NMU: variants seen among roughly 807,000 people sequenced by gnomAD.
NMU encodes neuromedin-U.
NMU carries 29 observed loss-of-function variants against 35.4 expected under a neutral mutation model. The ratio of observed to expected loss-of-function variants is 0.82; its 90% CI spans 0.61 to 1.12. NMU has a LOEUF of 1.12. Among genes scored for constraint, NMU ranks in the 50% most tolerant of loss-of-function variants. The pLI, the probability that NMU is intolerant of heterozygous loss-of-function variation, is 0.00. For missense variants in NMU, 199 were observed against 206.2 expected, an observed-to-expected ratio of 0.97 and a Z score of 0.21; for synonymous variants, 78 against 81.3, an observed-to-expected ratio of 0.96 and a Z score of 0.22.
intron 4 of NMU, among the ~76,000 whole-genome samples, chr4:55,608,340 G>C (rs1733788843): frequency 6.6e-6 from 1 of 151,992 alleles, no homozygotes; most frequent in African/African-American, 2.4e-5. Context: ...GTCACCATTA[G>C]AAACAATGGA....
chr4:55,604,111 G>A (rs1257174393), intron 7 of NMU, among the ~76,000 whole-genome samples: 1 of 144,744 alleles, frequency 6.9e-6, no homozygotes, highest in Non-Finnish European at 1.5e-5. Context: ...TGTCACTCAG[G>A]CTGGAGTGCA....
chr4:55,636,250 G>C lies in NMU; in HGVS notation c.-58C>G. ...CGCTGCGCTGCGCCACGCGTAGCTG[G>C]TGCTCCACCTGGTGCCCTGGCTGTG... On this transcript the variant is annotated 5_prime_UTR_variant, in exon 1 of 10. Coordinates refer to ENST00000264218, the MANE Select transcript of NMU (RefSeq NM_006681.4). This position sits in a 1 kb window ranked among gnomAD's most constrained non-coding sequence, Gnocchi z 4.0. 7.1e-7 allele frequency: 1 copy of C among 1,416,334 alleles called. No individual in the cohort carries two copies. Among genetic ancestry groups the C allele is most frequent in the Non-Finnish European group, 9.1e-7 (1 of 1,095,336 alleles). 87.7% of individuals were successfully genotyped at this position (1,416,334 alleles called of 1,614,324 possible).
chr4:55,597,042 G>A (rs568930238), intron 9 of NMU, among the ~76,000 whole-genome samples: 9 of 152,176 alleles, frequency 5.9e-5, no homozygotes, highest in Admixed American at 3.9e-4. Context: ...ACTTCTTAAC[G>A]TTGAACAACC....
chr4:55,618,630 TTTC>T (rs1231819609), intron 2 of NMU, among the ~76,000 whole-genome samples: 6 of 151,820 alleles, frequency 4.0e-5, no homozygotes, highest in African/African-American at 7.3e-5. Flanking sequence ...CTCTTTCTTC[TTTC>T]TTTTCTTCTC....
chr4:55,614,219 A>C (rs930912057), intron 3 of NMU, among the ~76,000 whole-genome samples: 1 of 152,164 alleles, frequency 6.6e-6, no homozygotes, highest in African/African-American at 2.4e-5. Context: ...TTTCTGTCCT[A>C]TCCACCTAGG....
chr4:55,609,845 C>T (rs1733859992), intron 3 of NMU, among the ~76,000 whole-genome samples: 1 of 152,104 alleles, frequency 6.6e-6, no homozygotes, highest in African/African-American at 2.4e-5. Context: ...CAGAATTTAG[C>T]ACAGTAGCAC....
chr4:55,607,769 A>G (rs1733751320), intron 4 of NMU, among the ~76,000 whole-genome samples: 1 of 152,252 alleles, frequency 6.6e-6, no homozygotes, highest in African/African-American at 2.4e-5. Flanking sequence ...TTATTATATC[A>G]TGACATGATG....
chr4:55,613,360 T>C (rs1425160574), intron 3 of NMU, among the ~76,000 whole-genome samples: 5 of 152,146 alleles, frequency 3.3e-5, no homozygotes, highest in Non-Finnish European at 5.9e-5. Flanking sequence ...GATACTATTC[T>C]AATTGTAATA....
chr4:55,610,184 C>T (rs903398183), intron 3 of NMU, among the ~76,000 whole-genome samples: 2 of 152,050 alleles, frequency 1.3e-5, no homozygotes, highest in South Asian at 2.1e-4. Context: ...AAAAAGAGGT[C>T]GGGTGCAGGG....
chr4:55,608,733 A>G (rs187080604), intron 4 of NMU, among the ~76,000 whole-genome samples: 4 of 151,850 alleles, frequency 2.6e-5, no homozygotes, highest in African/African-American at 9.7e-5. Flanking sequence ...TTAATGCCCT[A>G]CTCTCCCACA....
At chr4:55,604,015 GTGTA>G (rs1365126594) in intron 7 of NMU, among the ~76,000 whole-genome samples, 3 of 131,380 alleles carry the variant, frequency 2.3e-5, no homozygotes, top group Middle Eastern at 3.4e-3. Context: ...ATGTATATAT[GTGTA>G]TATATATAAT....
In NMU at chr4:55,607,367, A is replaced by G. The variant is rs904105945; in HGVS notation, c.310-19T>C. ...ATAAGAACTGTTTAAAAAAAGCAGT[A>G]AGTTTTACTATAAAAATTAATGGTT... On this transcript the variant is annotated intron_variant, in intron 5 of 9. Coordinates refer to ENST00000264218, the MANE Select transcript of NMU (RefSeq NM_006681.4). 5 of 1,545,018 alleles carry G rather than the reference A, an allele frequency of 3.2e-6. No individual in the cohort carries two copies. Among genetic ancestry groups the G allele is most frequent in the Admixed American group, 1.7e-5 (1 of 59,846 alleles).
At chr4:55,619,350 T>C (rs1391054151) in intron 2 of NMU, among the ~76,000 whole-genome samples, 4 of 138,194 alleles carry the variant, frequency 2.9e-5, no homozygotes, top group Non-Finnish European at 4.7e-5. Context: ...TTGCCTCACC[T>C]GGGAAGCGCA....
rs950443379 is a variant in NMU, at chr4:55,607,470, T to C, written c.280-4A>G. Reference sequence around the variant, plus strand: ...TATTATCTTTTTCATCTTGTTCCTATTGAAAAGAGATATTGTATATATCAT... The same window carrying C: ...TATTATCTTTTTCATCTTGTTCCTACTGAAAAGAGATATTGTATATATCAT... On this transcript the variant is annotated splice_polypyrimidine_tract_variant and splice_region_variant and intron_variant, in intron 4 of 9. Coordinates refer to ENST00000264218, the MANE Select transcript of NMU (RefSeq NM_006681.4). The C allele has an allele frequency of 1.3e-5, 12 of 936,974 alleles. No individual in the cohort carries two copies. Among genetic ancestry groups the C allele is most frequent in the East Asian group, 1.1e-4 (4 of 37,556 alleles). The allele number at this position is 936,974 out of a possible 1,614,324, so 58.0% of individuals were successfully genotyped here.
At chr4:55,606,116 C>G (rs1214489818) in intron 6 of NMU, among the ~76,000 whole-genome samples, 1 of 152,208 alleles carries the variant, frequency 6.6e-6, no homozygotes, top group Non-Finnish European at 1.5e-5. Context: ...CCAGTATAAT[C>G]TTTCGCCTCC....
chr4:55,615,877 G>A (rs866786258), intron 3 of NMU, among the ~76,000 whole-genome samples: 1 of 152,034 alleles, frequency 6.6e-6, no homozygotes. Flanking sequence ...GTGAGAACAT[G>A]CAATATTTGG....
At position 55,636,255 on chromosome 4, in the gene NMU, C is replaced by A; in HGVS notation, c.-63G>T. The A allele has an allele frequency of 1.4e-6, 2 of 1,409,874 alleles. No homozygotes were observed. Among genetic ancestry groups the A allele is most frequent in the Non-Finnish European group, 1.8e-6 (2 of 1,092,256 alleles). The allele number at this position is 1,409,874 out of a possible 1,614,324, so 87.3% of individuals were successfully genotyped here. A position where few individuals can be genotyped will look rare whatever the true frequency, so the allele number is the denominator to read the frequency against. On this transcript the variant is annotated 5_prime_UTR_variant, in exon 1 of 10. Coordinates refer to ENST00000264218, the MANE Select transcript of NMU (RefSeq NM_006681.4). The surrounding 1 kb of genome is among the most constrained non-coding windows in gnomAD (Gnocchi z 4.0). ...CGCTGCGCCACGCGTAGCTGGTGCT[C>A]CACCTGGTGCCCTGGCTGTGCCTCG...
chr4:55,600,468 A>G lies in NMU; in HGVS notation c.489+54T>C, dbSNP rs1478339131. On this transcript the variant is annotated intron_variant, in intron 8 of 9. Transcript: ENST00000264218. The stretch of plus-strand genomic sequence containing the variant: ...TGTAAAAGTTAAATACACAGGGAAC[A>G]TATTTTTAAATTTTGGTGTAGATTG... 5.2e-6 allele frequency: 6 copies of G among 1,145,720 alleles called. No homozygotes were observed. In the South Asian group the frequency reaches 6.3e-5, roughly 12 times the overall value. 71.0% of individuals were successfully genotyped at this position (1,145,720 alleles called of 1,614,324 possible).
chr4:55,610,135 A>G (rs1283256123), intron 3 of NMU, among the ~76,000 whole-genome samples: 1 of 152,164 alleles, frequency 6.6e-6, no homozygotes, highest in East Asian at 1.9e-4. Flanking sequence ...TCTCAGGTTG[A>G]TTTACAGCTG....
Sources: gnomAD v4.1 joint callset for allele counts (sites outside exome capture counted in the v4.1 genomes callset) on GRCh38, gnomAD v4.1.1 for gene constraint, Gnocchi (gnomAD v3.1) non-coding constraint, MANE v1.5 for transcripts, NCBI Gene and HGNC (gene_info 2026-07-23, HGNC 2026-07-21) for gene names.